IQUB: variants seen among roughly 807,000 people sequenced by gnomAD.
IQUB encodes the protein IQ motif and ubiquitin-like domain-containing protein.
In IQUB, 86 loss-of-function variants were observed where a neutral mutation model predicts 86.4. That is an observed-to-expected ratio of 1.00 (90% confidence interval 0.84 to 1.19). The LOEUF (loss-of-function observed/expected upper bound fraction) is 1.19, where lower values mean the gene tolerates loss of function less well. IQUB is among the 50% of genes most tolerant of loss of function. The probability of loss-of-function intolerance (pLI) is 0.00; values close to 1 mark genes in which losing one functional copy is unlikely to be tolerated. For missense variants in IQUB, 946 were observed against 916.9 expected (o/e 1.03, Z -0.41); for synonymous variants, 289 against 304.5 (o/e 0.95, Z 0.53).
chr7:123,487,319 G>A (rs1171075627), intron 7 of IQUB, among the ~76,000 whole-genome samples: 1 of 152,106 alleles, frequency 6.6e-6, no homozygotes, highest in Admixed American at 6.5e-5. Context: ...GTGAGAACTG[G>A]TTAAAACAAT....
intron 10 of IQUB, among the ~76,000 whole-genome samples, chr7:123,464,158 A>G (rs1794138253): frequency 1.3e-5 from 2 of 151,890 alleles, no homozygotes; most frequent in African/African-American, 4.8e-5. Flanking sequence ...CTCTGACAAC[A>G]TACTCTACCC....
intron 1 of IQUB, among the ~76,000 whole-genome samples, chr7:123,526,839 G>A (rs184439403): frequency 6.6e-6 from 1 of 152,322 alleles, no homozygotes; most frequent in East Asian, 1.9e-4. Flanking sequence ...GCTGGTACCA[G>A]TTGTTCCTTT....
intron 1 of IQUB, among the ~76,000 whole-genome samples, chr7:123,513,423 A>G (rs1796514765): frequency 1.3e-5 from 2 of 152,206 alleles, no homozygotes; most frequent in Admixed American, 1.3e-4. Context: ...AAGAAAGCCT[A>G]GCATGTTTTT....
rs377080128 is a variant in IQUB at position 123,502,947 on chromosome 7, C to A, written c.864G>T (p.Thr288=). ...PERLSIFCRD[T]QTVFQKKNLQ... is the part of the protein sequence containing the mutation. ...AAGAGACAAATAAAAACATTACCTG[C>A]GTATCCCTACAAAATATACTGAGTC... Residue 288 remains threonine, a synonymous_variant, in exon 5 of 13, where the codon ACG becomes ACT. Transcript: ENST00000324698. 3 of 1,607,664 alleles carry A rather than the reference C, an allele frequency of 1.9e-6. No homozygotes were observed. Among genetic ancestry groups the A allele is most frequent in the Non-Finnish European group, 2.5e-6 (3 of 1,177,068 alleles).
chr7:123,461,333 A>C (rs367637914), intron 11 of IQUB, 24 bp downstream of exon 11: 11 of 1,581,338 alleles, frequency 7.0e-6, no homozygotes, highest in Non-Finnish European at 9.5e-6. Context: ...TTCAGCTATA[A>C]TTGGCACCCC....
At chr7:123,505,936 C>T (rs1796157323) in intron 3 of IQUB, among the ~76,000 whole-genome samples, 1 of 152,192 alleles carries the variant, frequency 6.6e-6, no homozygotes, top group Admixed American at 6.5e-5. Flanking sequence ...CAGATCATCT[C>T]CTTGCTCACA....
In IQUB at chr7:123,461,741, C is replaced by T. The variant is rs1029827650; in HGVS notation, c.1759-136G>A. ...TTTAAAAAAAAAAGTTGGCTAATTT[C>T]TAAAATTTTATTTTTCCCTGAACTT... On this transcript the variant is annotated intron_variant, in intron 10 of 12. Transcript: ENST00000324698. 6 of 763,056 alleles carry T rather than the reference C, an allele frequency of 7.9e-6. No individual in the cohort carries two copies. In the African/African-American group the frequency reaches 8.9e-5, roughly 11 times the overall value. The allele number at this position is 763,056 out of a possible 1,614,324, so 47.3% of individuals were successfully genotyped here. A position where few individuals can be genotyped will look rare whatever the true frequency, so the allele number is the denominator to read the frequency against.
intron 1 of IQUB, among the ~76,000 whole-genome samples, chr7:123,528,204 C>T (rs1240680241): frequency 6.6e-6 from 1 of 152,156 alleles, no homozygotes; most frequent in Non-Finnish European, 1.5e-5. Context: ...CACTGACCTG[C>T]GCCCACTGTC....
At chr7:123,530,116 C>T (rs1247912474) in intron 1 of IQUB, among the ~76,000 whole-genome samples, 25 of 152,196 alleles carry the variant, frequency 1.6e-4, no homozygotes, top group Admixed American at 1.2e-3. Flanking sequence ...GGCTGAAACA[C>T]GGATCACTTG....
chr7:123,511,055 T>C (rs912254261), intron 2 of IQUB, among the ~76,000 whole-genome samples: 29 of 152,148 alleles, frequency 1.9e-4, no homozygotes, highest in African/African-American at 6.0e-4. Context: ...AATACTAAAA[T>C]TGAGAGATAC....
chr7:123,484,046 T>C (rs1035087614), intron 7 of IQUB, among the ~76,000 whole-genome samples: 4 of 152,036 alleles, frequency 2.6e-5, no homozygotes, highest in Non-Finnish European at 5.9e-5. Flanking sequence ...ATCAGAGTAT[T>C]TCTTTCTCTT....
At chr7:123,485,372 T>C (rs1279969301) in intron 7 of IQUB, among the ~76,000 whole-genome samples, 4 of 152,156 alleles carry the variant, frequency 2.6e-5, no homozygotes, top group Non-Finnish European at 5.9e-5. Flanking sequence ...ACCTCATTTT[T>C]TCTTAATTAT....
intron 6 of IQUB, among the ~76,000 whole-genome samples, chr7:123,497,997 T>C (rs1250686719): frequency 1.3e-5 from 2 of 150,866 alleles, no homozygotes; most frequent in African/African-American, 4.9e-5. Flanking sequence ...TCCTCTAAAA[T>C]AATTAGGCAA....
intron 8 of IQUB, among the ~76,000 whole-genome samples, chr7:123,470,595 A>G (rs552031844): frequency 1.3e-5 from 2 of 152,332 alleles, no homozygotes; most frequent in East Asian, 3.9e-4. Flanking sequence ...TCACGCCTGT[A>G]ATCCCAGCCA....
chr7:123,528,806 A>G (rs1431000069), intron 1 of IQUB, among the ~76,000 whole-genome samples: 2 of 152,226 alleles, frequency 1.3e-5, no homozygotes, highest in African/African-American at 2.4e-5. Context: ...AAAATAGAGT[A>G]AAAAATATTC....
intron 1 of IQUB, among the ~76,000 whole-genome samples, chr7:123,520,715 G>T (rs184200740): frequency 1.3e-5 from 2 of 152,290 alleles, no homozygotes; most frequent in Admixed American, 1.3e-4. Context: ...GGAGTGGGAA[G>T]CTGGTAGGAC....
Position 123,502,580 on chromosome 7 carries a change from A to G in IQUB, c.1023+17T>C. The G allele has an allele frequency of 6.2e-7, 1 of 1,606,044 alleles. No individual in the cohort carries two copies. Among genetic ancestry groups the G allele is most frequent in the South Asian group, 1.1e-5 (1 of 88,940 alleles). ...TATCAAATTTTTAGTATTCATCCACAATAAAAGTTATCTCACCGCCTTTAG... is the reference window on the plus strand; with the variant it reads ...TATCAAATTTTTAGTATTCATCCACGATAAAAGTTATCTCACCGCCTTTAG... On this transcript the variant is annotated intron_variant, in intron 6 of 12. Transcript: ENST00000324698.
intron 8 of IQUB, among the ~76,000 whole-genome samples, chr7:123,476,384 C>T (rs1462079649): frequency 6.6e-6 from 1 of 152,084 alleles, no homozygotes; most frequent in African/African-American, 2.4e-5. Context: ...GCAAAAGGAT[C>T]GAGAGCACCT....
intron 12 of IQUB, among the ~76,000 whole-genome samples, chr7:123,453,881 T>C (rs1408692537): frequency 2.0e-5 from 3 of 152,202 alleles, no homozygotes; most frequent in African/African-American, 7.2e-5. Context: ...CAAAAGTAAA[T>C]TCTGGTTAAA....
Sources: gnomAD v4.1 joint callset for allele counts (sites outside exome capture counted in the v4.1 genomes callset) on GRCh38, gnomAD v4.1.1 for gene constraint, MANE v1.5 for transcripts, NCBI Gene and HGNC (gene_info 2026-07-23, HGNC 2026-07-21) for gene names.